The following MCU variants were observed in gnomAD, a reference collection of about 807,000 sequenced individuals.
MCU encodes mitochondrial calcium uniporter, also known as calcium uniporter protein, mitochondrial.
MCU carries 12 observed loss-of-function variants against 45.2 expected under a neutral mutation model. The ratio of observed to expected loss-of-function variants is 0.27; its 90% CI spans 0.17 to 0.43. The LOEUF is 0.43. Among genes scored for constraint, MCU ranks in the 20% least tolerant of loss-of-function variants. The pLI, the probability that MCU is intolerant of heterozygous loss-of-function variation, is 1.00. For synonymous variants in MCU, 160 were observed against 165.1 expected (o/e 0.97, Z 0.24); for missense variants, 324 against 436.7 (o/e 0.74, Z 2.30).
At chr10:72,748,318 G>GATT (rs1205722394) in intron 1 of MCU, among the ~76,000 whole-genome samples, 6 of 152,206 alleles carry the variant, frequency 3.9e-5, no homozygotes, top group Non-Finnish European at 7.3e-5. Context: ...GAAGTGCTGG[G>GATT]ATTACAGGCG....
At chr10:72,822,758 T>G (rs1194117355) in intron 1 of MCU, among the ~76,000 whole-genome samples, 1 of 152,008 alleles carries the variant, frequency 6.6e-6, no homozygotes, top group Non-Finnish European at 1.5e-5. Flanking sequence ...GAGGATTGCT[T>G]AGAGCCCAGG....
At chr10:72,816,676 G>T (rs893933312) in intron 1 of MCU, among the ~76,000 whole-genome samples, 1 of 152,164 alleles carries the variant, frequency 6.6e-6, no homozygotes, top group African/African-American at 2.4e-5. Context: ...CAGATGCTGA[G>T]GTAGTGGATG....
chr10:72,842,928 A>C (rs989594366), intron 2 of MCU, among the ~76,000 whole-genome samples: 1 of 151,744 alleles, frequency 6.6e-6, no homozygotes, highest in Admixed American at 6.6e-5. Context: ...TTTTTTCAGG[A>C]AATGTTGAGG....
chr10:72,864,882 A>G (rs1845430372), intron 4 of MCU, among the ~76,000 whole-genome samples: 1 of 152,202 alleles, frequency 6.6e-6, no homozygotes, highest in African/African-American at 2.4e-5. Flanking sequence ...AAATAACAGA[A>G]GTACAGGGCC....
Position 72,743,252 on chromosome 10 carries a change from T to TA in MCU, c.150+50960dup, listed in dbSNP as rs906531121. On this transcript the variant is annotated intron_variant, in intron 1 of 7. Coordinates refer to ENST00000373053, the MANE Select transcript of MCU (RefSeq NM_138357.3). Reference sequence around the variant, plus strand: ...TGTGAAACCCCGTCTCCAGTAAAAATAAAAAAAAATAAATGCTAGGCATGG... The same window carrying TA: ...TGTGAAACCCCGTCTCCAGTAAAAATAAAAAAAAAATAAATGCTAGGCATGG... Among the ~76,000 whole-genome samples, 9 of 149,288 alleles carry TA rather than the reference T, an allele frequency of 6.0e-5. No homozygotes were observed. In the South Asian group the frequency reaches 8.6e-4, roughly 14 times the overall value.
intron 1 of MCU, among the ~76,000 whole-genome samples, chr10:72,752,751 T>C (rs1218888705): frequency 3.9e-5 from 6 of 152,232 alleles, no homozygotes; most frequent in Non-Finnish European, 8.8e-5. Flanking sequence ...GTGTTTCTTA[T>C]AGCAGAGCAA....
chr10:72,712,474 C>G (rs1842907428), intron 1 of MCU: 2 of 152,162 alleles, frequency 1.3e-5, no homozygotes, highest in Non-Finnish European at 2.9e-5. Context: ...CAAGTGCAGA[C>G]AAGCTGTGGG....
chr10:72,816,510 G>A (rs917354174), intron 1 of MCU, among the ~76,000 whole-genome samples: 1 of 152,238 alleles, frequency 6.6e-6, no homozygotes, highest in African/African-American at 2.4e-5. Context: ...GCAGGGCACA[G>A]TGGCTCACAC....
At chr10:72,726,250 C>T (rs986803233) in intron 1 of MCU, among the ~76,000 whole-genome samples, 3 of 86,264 alleles carry the variant, frequency 3.5e-5, no homozygotes, top group Non-Finnish European at 4.9e-5. Flanking sequence ...CAGGCACACA[C>T]ACACACGTGT....
intron 1 of MCU, among the ~76,000 whole-genome samples, chr10:72,794,473 C>G (rs1844214805): frequency 6.6e-6 from 1 of 152,128 alleles, no homozygotes; most frequent in Non-Finnish European, 1.5e-5. Flanking sequence ...CTGAGTCATC[C>G]TTGATTCTGC....
At chr10:72,727,028 T>C (rs1397337504) in intron 1 of MCU, among the ~76,000 whole-genome samples, 1 of 152,232 alleles carries the variant, frequency 6.6e-6, no homozygotes, top group African/African-American at 2.4e-5. Context: ...TTTTAATGTA[T>C]GGCTTTGGGG....
intron 1 of MCU, among the ~76,000 whole-genome samples, chr10:72,824,424 G>A (rs1844764279): frequency 6.7e-6 from 1 of 150,276 alleles, no homozygotes; most frequent in Non-Finnish European, 1.5e-5. Flanking sequence ...GGTCAGGCTG[G>A]TCTTGAACTC....
chr10:72,717,302 C>T (rs1170382916), intron 1 of MCU, among the ~76,000 whole-genome samples: 2 of 151,562 alleles, frequency 1.3e-5, no homozygotes, highest in Non-Finnish European at 2.9e-5. Flanking sequence ...CTCTGTCGCG[C>T]AGGCTGGAGT....
intron 1 of MCU, among the ~76,000 whole-genome samples, chr10:72,821,252 G>T (rs1321018937): frequency 2.0e-5 from 3 of 148,384 alleles, no homozygotes; most frequent in Non-Finnish European, 3.0e-5. Context: ...TAAAACTTTT[G>T]GTCTTCAAGG....
chr10:72,706,542 CT>C (rs1251706679), intron 1 of MCU, among the ~76,000 whole-genome samples: 170 of 143,300 alleles, frequency 1.2e-3, no homozygotes, highest in Admixed American at 1.3e-3. Context: ...AGTATCTTCT[CT>C]TTTTTTTTTT....
intron 1 of MCU, among the ~76,000 whole-genome samples, chr10:72,726,316 G>A (rs1356586613): frequency 6.6e-6 from 1 of 151,284 alleles, no homozygotes; most frequent in East Asian, 1.9e-4. Flanking sequence ...GATCATATTT[G>A]CATTCTTTCC....
chr10:72,831,411 T>G (rs1364958009), intron 1 of MCU, among the ~76,000 whole-genome samples: 1 of 152,182 alleles, frequency 6.6e-6, no homozygotes, highest in African/African-American at 2.4e-5. Context: ...TAATCATTGC[T>G]GACGATAGAG....
At chr10:72,797,229 T>A (rs1386347272) in intron 1 of MCU, among the ~76,000 whole-genome samples, 10 of 150,060 alleles carry the variant, frequency 6.7e-5, no homozygotes, top group African/African-American at 2.5e-4. Context: ...TTATTTTATT[T>A]TATTTTTTTT....
chr10:72,778,661 A>G (rs1843937960), intron 1 of MCU, among the ~76,000 whole-genome samples: 1 of 152,230 alleles, frequency 6.6e-6, no homozygotes, highest in African/African-American at 2.4e-5. Context: ...ACCAATATTC[A>G]TAATTAAAAT....
Sources: gnomAD v4.1 joint callset for allele counts (sites outside exome capture counted in the v4.1 genomes callset) on GRCh38, gnomAD v4.1.1 for gene constraint, MANE v1.5 for transcripts, NCBI Gene and HGNC (gene_info 2026-07-23, HGNC 2026-07-21) for gene names.